PARM1: variants seen among roughly 807,000 people sequenced by gnomAD.
PARM1 encodes the protein prostate androgen-regulated mucin-like protein 1.
Under a neutral mutation model 24.6 loss-of-function variants are expected in PARM1, and 14 were observed. The observed-to-expected ratio is 0.57, with a 90% CI of 0.38 to 0.89. The LOEUF (loss-of-function observed/expected upper bound fraction) is 0.89. Ranked by LOEUF, PARM1 falls within the 40% of genes least tolerant of loss-of-function variation. The pLI is 0.00. For synonymous variants in PARM1, 179 were observed against 156.6 expected (o/e 1.14, Z -1.07); for missense variants, 362 against 380.4 (o/e 0.95, Z 0.40).
At chr4:75,034,506 A>G (rs1560799202) in intron 3 of PARM1, among the ~76,000 whole-genome samples, 1 of 152,192 alleles carries the variant, frequency 6.6e-6, no homozygotes, top group Non-Finnish European at 1.5e-5. Context: ...TTTTGGCTTT[A>G]AAATATCTTT....
intron 1 of PARM1, among the ~76,000 whole-genome samples, chr4:74,969,191 C>T (rs927643768): frequency 1.3e-5 from 2 of 152,196 alleles, no homozygotes; most frequent in Non-Finnish European, 2.9e-5. Flanking sequence ...CTCTTTCTCA[C>T]TTACAGAAGT....
At chr4:75,033,010 AG>A (rs2109808652) in intron 2 of PARM1, among the ~76,000 whole-genome samples, 1 of 152,354 alleles carries the variant, frequency 6.6e-6, no homozygotes, top group Non-Finnish European at 1.5e-5. Flanking sequence ...TCACACAAAA[AG>A]CATGTTGTGC....
chr4:74,942,854 G>A (rs1375619707), intron 1 of PARM1, among the ~76,000 whole-genome samples: 1 of 152,128 alleles, frequency 6.6e-6, no homozygotes, highest in Non-Finnish European at 1.5e-5. Flanking sequence ...TCTGTTCAGA[G>A]CCCTGTAATG....
intron 1 of PARM1, among the ~76,000 whole-genome samples, chr4:74,935,667 T>G (rs1006518965): frequency 2.8e-4 from 43 of 152,290 alleles, no homozygotes; most frequent in African/African-American, 1.0e-3. Context: ...AGGTGATACT[T>G]TCTTGAGCCA....
chr4:75,027,637 T>C (rs761567812), intron 2 of PARM1, among the ~76,000 whole-genome samples: 4 of 152,208 alleles, frequency 2.6e-5, no homozygotes, highest in Non-Finnish European at 5.9e-5. Flanking sequence ...GAACAGCATT[T>C]GGCAGGATTC....
At chr4:74,996,047 C>G (rs532033896) in intron 1 of PARM1, among the ~76,000 whole-genome samples, 17 of 152,158 alleles carry the variant, frequency 1.1e-4, no homozygotes, top group African/African-American at 4.1e-4. Flanking sequence ...ATATTATTCC[C>G]CCTTCCATCC....
chr4:75,006,622 T>A (rs894725554), intron 1 of PARM1, among the ~76,000 whole-genome samples: 3 of 152,220 alleles, frequency 2.0e-5, no homozygotes, highest in Non-Finnish European at 4.4e-5. Context: ...TGTGTCTTTA[T>A]AGCAGCATGA....
chr4:75,030,797 G>A (rs1017722229), intron 2 of PARM1, among the ~76,000 whole-genome samples: 8 of 152,062 alleles, frequency 5.3e-5, no homozygotes, highest in East Asian at 1.9e-4. Context: ...TGGACTGCCC[G>A]TCAGTGTCCC....
intron 1 of PARM1, among the ~76,000 whole-genome samples, chr4:74,995,568 A>G (rs948353669): frequency 6.6e-6 from 1 of 152,126 alleles, no homozygotes; most frequent in Non-Finnish European, 1.5e-5. Context: ...TGAACGGGGT[A>G]GTCTGGCTCC....
intron 1 of PARM1, among the ~76,000 whole-genome samples, chr4:75,003,879 TTCTCTCTCTC>T (rs140563593): frequency 6.7e-6 from 1 of 150,166 alleles, no homozygotes; most frequent in Non-Finnish European, 1.5e-5. Flanking sequence ...CATTTTAACA[TTCTCTCTCTC>T]TCTCTCTCTT....
chr4:75,044,465 C>T (rs549890133), intron 3 of PARM1, among the ~76,000 whole-genome samples: 43 of 152,246 alleles, frequency 2.8e-4, no homozygotes, highest in African/African-American at 9.4e-4. Context: ...TTCATAAACA[C>T]GTATTGAGGA....
chr4:74,951,346 T>C (rs960941556), intron 1 of PARM1, among the ~76,000 whole-genome samples: 1 of 152,162 alleles, frequency 6.6e-6, no homozygotes, highest in African/African-American at 2.4e-5. Context: ...GAGATGAAAA[T>C]AGCCTCCTGC....
chr4:75,015,485 C>A (rs1722966937), intron 2 of PARM1, among the ~76,000 whole-genome samples: 2 of 152,180 alleles, frequency 1.3e-5, no homozygotes, highest in Admixed American at 1.3e-4. Context: ...AGTATGTATC[C>A]TTATGACCTA....
At chr4:75,020,009 C>CAAAAAAAA (rs1161399344) in intron 2 of PARM1, among the ~76,000 whole-genome samples, 22 of 31,094 alleles carry the variant, frequency 7.1e-4, no homozygotes, top group Admixed American at 1.8e-3. Context: ...GACTCCGTCT[C>CAAAAAAAA]AAAAAAAAAA....
At chr4:74,965,862 A>G (rs572092901) in intron 1 of PARM1, among the ~76,000 whole-genome samples, 1 of 152,318 alleles carries the variant, frequency 6.6e-6, no homozygotes, top group South Asian at 2.1e-4. Context: ...AGACTCAGAA[A>G]ACATGCCAAC....
chr4:74,973,233 A>G (rs7656977), intron 1 of PARM1, among the ~76,000 whole-genome samples: 4,175 of 152,258 alleles, frequency 0.027, 84 homozygotes, highest in South Asian at 0.077. Flanking sequence ...GAATATTTTC[A>G]CAGTGGTACA....
intron 1 of PARM1, among the ~76,000 whole-genome samples, chr4:74,936,602 C>T (rs113895523): frequency 0.067 from 10,193 of 151,780 alleles, 412 homozygotes; most frequent in Non-Finnish European, 0.088. Context: ...TACAGGCGCC[C>T]GCCACCACAC....
At chr4:74,941,243 C>T (rs1372670772) in intron 1 of PARM1, among the ~76,000 whole-genome samples, 3 of 151,998 alleles carry the variant, frequency 2.0e-5, no homozygotes, top group Non-Finnish European at 4.4e-5. Flanking sequence ...TTTTTGGAGA[C>T]CTATTCAGAT....
At chr4:74,943,627 C>T (rs1480283211) in intron 1 of PARM1, among the ~76,000 whole-genome samples, 2 of 152,056 alleles carry the variant, frequency 1.3e-5, no homozygotes, top group South Asian at 2.1e-4. Context: ...TTATTTGGTG[C>T]CATAGACATC....
Sources: gnomAD v4.1 joint callset for allele counts (sites outside exome capture counted in the v4.1 genomes callset) on GRCh38, gnomAD v4.1.1 for gene constraint, MANE v1.5 for transcripts, NCBI Gene and HGNC (gene_info 2026-07-23, HGNC 2026-07-21) for gene names.